The following TNR variants were observed in gnomAD, a reference collection of about 807,000 sequenced individuals.
The protein encoded by TNR is tenascin R.
TNR carries 45 observed loss-of-function variants against 150.4 expected under a neutral mutation model. That is an observed-to-expected ratio of 0.30 (90% CI 0.24 to 0.38). TNR has a LOEUF of 0.38. TNR is among the 10% of genes least tolerant of loss of function. The pLI is 1.00. For synonymous variants in TNR, 687 were observed against 678.4 expected (o/e 1.01, Z -0.20); for missense variants, 1,544 against 1,759.1 (o/e 0.88, Z 2.19).
chr1:175,569,489 A>G (rs1266421879), intron 1 of TNR, among the ~76,000 whole-genome samples: 2 of 152,246 alleles, frequency 1.3e-5, no homozygotes, highest in Non-Finnish European at 2.9e-5. Flanking sequence ...AGCTGACGAT[A>G]TAATTGTTGG....
intron 17 of TNR, among the ~76,000 whole-genome samples, chr1:175,355,216 C>T (rs1201094648): frequency 6.6e-6 from 1 of 152,148 alleles, no homozygotes; most frequent in African/African-American, 2.4e-5. Context: ...GGGTAGAGAC[C>T]TTCATTAGCT....
intron 1 of TNR, among the ~76,000 whole-genome samples, chr1:175,657,246 T>C (rs995090566): frequency 6.6e-6 from 1 of 152,098 alleles, no homozygotes; most frequent in African/African-American, 2.4e-5. Flanking sequence ...GTTAGAATGG[T>C]GATCATTAAA....
chr1:175,365,795 G>A, intron 11 of TNR, 80 bp downstream of exon 11: 1 of 1,536,998 alleles, frequency 6.5e-7, no homozygotes, highest in South Asian at 1.3e-5. Flanking sequence ...AACATTGGAA[G>A]AGTGACTTGC....
At chr1:175,407,405 A>G (rs73045408) in intron 2 of TNR, among the ~76,000 whole-genome samples, 30 of 152,314 alleles carry the variant, frequency 2.0e-4, no homozygotes, top group African/African-American at 6.3e-4. Context: ...TATAGTCCTC[A>G]TGCTCTGTGA....
intron 18 of TNR, among the ~76,000 whole-genome samples, chr1:175,346,375 G>A (rs1322923904): frequency 6.6e-6 from 1 of 152,146 alleles, no homozygotes; most frequent in Non-Finnish European, 1.5e-5. Flanking sequence ...GGAGGAAAGA[G>A]TCTAGTGGGA....
chr1:175,649,129 A>G (rs1392193493), intron 1 of TNR, among the ~76,000 whole-genome samples: 13 of 152,196 alleles, frequency 8.5e-5, no homozygotes, highest in Admixed American at 8.5e-4. Context: ...CAATTCGGCC[A>G]TGGTCAGGCC....
At position 175,367,190 on chromosome 1, in the gene TNR, A is replaced by C; in HGVS notation, c.2053+18T>G. ...ATAGGCTAACCTGGTCTTCTTCCTCAGCAGTCCTCCTACTCACCAGTCCTG... is the reference window on the plus strand; with the variant it reads ...ATAGGCTAACCTGGTCTTCTTCCTCCGCAGTCCTCCTACTCACCAGTCCTG... On this transcript the variant is annotated intron_variant, in intron 10 of 22. Transcript: ENST00000367674. 2 of 1,613,088 alleles carry C rather than the reference A, an allele frequency of 1.2e-6. No individual in the cohort carries two copies. Among genetic ancestry groups the C allele is most frequent in the South Asian group, 2.2e-5 (2 of 90,980 alleles).
rs144978500 is a variant in TNR, at chr1:175,562,916, G to A, written c.-164-34547C>T. Reference sequence around the variant, plus strand: ...AACAAAAACAAAAACAGCCACTCAGGTTGATTAATTCAATCAAATGATTGG... The same window carrying A: ...AACAAAAACAAAAACAGCCACTCAGATTGATTAATTCAATCAAATGATTGG... On this transcript the variant is annotated intron_variant, in intron 1 of 22. Transcript: ENST00000367674. 3.3e-4 allele frequency among the ~76,000 whole-genome samples: 51 copies of A among 152,362 alleles called. No homozygotes were observed. The East Asian group carries it at 9.1e-3, about 27-fold the overall frequency.
chr1:175,614,944 C>T (rs1663721772), intron 1 of TNR, among the ~76,000 whole-genome samples: 1 of 152,208 alleles, frequency 6.6e-6, no homozygotes, highest in Admixed American at 6.5e-5. Flanking sequence ...AAGAAAAAGC[C>T]GTGGAACTCC....
intron 1 of TNR, among the ~76,000 whole-genome samples, chr1:175,700,820 A>T (rs1272550193): frequency 1.3e-5 from 2 of 152,154 alleles, no homozygotes; most frequent in African/African-American, 4.8e-5. Flanking sequence ...GGCATTCTTC[A>T]CGTCCCACCA....
At chr1:175,577,700 T>C (rs1017131471) in intron 1 of TNR, among the ~76,000 whole-genome samples, 2 of 152,160 alleles carry the variant, frequency 1.3e-5, no homozygotes, top group Non-Finnish European at 2.9e-5. Context: ...AGGGCCACGC[T>C]AACTGTCAGA....
chr1:175,528,134 C>T (rs1659921472), intron 2 of TNR, 135 bp downstream of exon 2: 1 of 152,206 alleles, frequency 6.6e-6, no homozygotes, highest in South Asian at 2.1e-4. Context: ...TTGACCACCT[C>T]ATTTCAAGGA....
rs144119459 is a variant in TNR at position 175,604,538 on chromosome 1, C to T, written c.-164-76169G>A. ...ATAAAGAAAAGCTCACTTCCTTGCC[C>T]GATGCTATCTTGCTGCCCAGAGAGA... On this transcript the variant is annotated intron_variant, in intron 1 of 22. Transcript: ENST00000367674. Among the ~76,000 whole-genome samples the T allele has an allele frequency of 1.8e-3, 270 of 152,224 alleles. 2 individuals are homozygous for T. Among genetic ancestry groups the T allele is most frequent in the Non-Finnish European group, 2.7e-3 (181 of 68,020 alleles).
At chr1:175,579,182 TTCC>T (rs1558017807) in intron 1 of TNR, among the ~76,000 whole-genome samples, 1 of 144,652 alleles carries the variant, frequency 6.9e-6, no homozygotes, top group East Asian at 2.3e-4. Flanking sequence ...CCTTCCTTCC[TTCC>T]TTCCTTCCTT....
intron 2 of TNR, among the ~76,000 whole-genome samples, chr1:175,441,268 T>C (rs1655777173): frequency 6.6e-6 from 1 of 152,208 alleles, no homozygotes; most frequent in African/African-American, 2.4e-5. Context: ...GTAATTTCAC[T>C]CTAGTTTTGA....
At chr1:175,740,435 CA>C (rs368284451) in intron 1 of TNR, among the ~76,000 whole-genome samples, 135 of 145,230 alleles carry the variant, frequency 9.3e-4, no homozygotes, top group African/African-American at 2.9e-3. Flanking sequence ...TCATTTTTTT[CA>C]ACAAAAAAAA....
intron 21 of TNR, among the ~76,000 whole-genome samples, chr1:175,329,180 C>T (rs536747207): frequency 6.6e-6 from 1 of 152,272 alleles, no homozygotes; most frequent in East Asian, 1.9e-4. Context: ...TTCTTAATTT[C>T]AAGAGTCATA....
At position 175,693,161 on chromosome 1, in the gene TNR, C is replaced by T. The variant is rs142514345; in HGVS notation, c.-165+50065G>A. On this transcript the variant is annotated intron_variant, in intron 1 of 22. Coordinates refer to ENST00000367674, the MANE Select transcript of TNR (RefSeq NM_003285.3). ...GTCTTTGGAAAAAAGAGACTTATTT[C>T]CCAAAAAGTACTGCATCATCACACA... 2.8e-3 allele frequency among the ~76,000 whole-genome samples: 434 copies of T among 152,286 alleles called. 1 individual carries two copies. The highest frequency in any genetic ancestry group is 0.01 in the African/African-American group (418 of 41,550).
chr1:175,598,720 G>C (rs1663109136), intron 1 of TNR, among the ~76,000 whole-genome samples: 1 of 152,130 alleles, frequency 6.6e-6, no homozygotes, highest in Non-Finnish European at 1.5e-5. Context: ...ACAGAATATG[G>C]GTCACATCTG....
Sources: allele counts gnomAD v4.1 joint callset (sites outside exome capture counted in the v4.1 genomes callset), GRCh38; gene constraint gnomAD v4.1.1; transcripts MANE v1.5; gene names NCBI Gene and HGNC (gene_info 2026-07-23, HGNC 2026-07-21).